Variants in PCDHA7 observed in about 807,000 individuals in gnomAD.
The protein encoded by PCDHA7 is protocadherin alpha 7.
In PCDHA7, 37 loss-of-function variants were observed where a neutral mutation model predicts 57.2. The ratio of observed to expected loss-of-function variants is 0.65; its 90% CI spans 0.50 to 0.85. The LOEUF (loss-of-function observed/expected upper bound fraction) is 0.85. Among genes scored for constraint, PCDHA7 ranks in the 40% least tolerant of loss-of-function variants. The pLI, the probability that PCDHA7 is intolerant of heterozygous loss-of-function variation, is 0.00. For synonymous variants in PCDHA7, 553 were observed against 558.8 expected (o/e 0.99, Z 0.15); for missense variants, 1,188 against 1,241.8 (o/e 0.96, Z 0.65).
intron 1 of PCDHA7, among the ~76,000 whole-genome samples, chr5:140,950,804 A>G (rs1360919239): frequency 6.6e-6 from 1 of 152,090 alleles, no homozygotes; most frequent in African/African-American, 2.4e-5. Context: ...GTCTGGTTTT[A>G]CCATAGTAGG....
chr5:140,980,490 C>T (rs185528514), intron 2 of PCDHA7, among the ~76,000 whole-genome samples: 39 of 152,096 alleles, frequency 2.6e-4, no homozygotes, highest in Admixed American at 4.6e-4. Context: ...ATTAGCTGGG[C>T]GTGATGGCAT....
At chr5:140,842,075 T>C (rs1285752130) in intron 1 of PCDHA7, 5 of 1,613,720 alleles carry the variant, frequency 3.1e-6, no homozygotes, top group Admixed American at 1.7e-5. Context: ...AGTAAGAATA[T>C]TCGAAAACGC....
intron 1 of PCDHA7, among the ~76,000 whole-genome samples, chr5:140,953,120 C>T (rs2094851215): frequency 6.6e-6 from 1 of 152,154 alleles, no homozygotes; most frequent in South Asian, 2.1e-4. Context: ...GGACACAGAT[C>T]TAAACCGTAT....
At chr5:140,858,899 C>T (rs1236968449) in intron 1 of PCDHA7, 4 of 203,942 alleles carry the variant, frequency 2.0e-5, no homozygotes, top group Non-Finnish European at 3.0e-5. Flanking sequence ...ATATGTGTAG[C>T]GTACCACAGC....
At chr5:140,976,666 A>G (rs1260651584) in intron 1 of PCDHA7, among the ~76,000 whole-genome samples, 4 of 152,188 alleles carry the variant, frequency 2.6e-5, no homozygotes, top group African/African-American at 9.6e-5. Flanking sequence ...CAAAGTTCAG[A>G]TGTCTCATTT....
At chr5:140,906,982 G>A (rs1298159889) in intron 1 of PCDHA7, among the ~76,000 whole-genome samples, 3 of 152,140 alleles carry the variant, frequency 2.0e-5, no homozygotes, top group African/African-American at 7.2e-5. Flanking sequence ...TCTTCTGGTG[G>A]CAGCATTCCT....
At chr5:140,938,041 G>T (rs2091894997) in intron 1 of PCDHA7, among the ~76,000 whole-genome samples, 1 of 151,764 alleles carries the variant, frequency 6.6e-6, no homozygotes, top group African/African-American at 2.4e-5. Flanking sequence ...TTTATATTTT[G>T]GGTTTTCTAC....
intron 1 of PCDHA7, among the ~76,000 whole-genome samples, chr5:140,909,960 C>T (rs1419796014): frequency 6.6e-6 from 1 of 152,184 alleles, no homozygotes; most frequent in Non-Finnish European, 1.5e-5. Context: ...CGTAGGTCTC[C>T]ATGGGGAAGG....
In PCDHA7 at chr5:140,877,039, C is replaced by T. The variant is rs782458785; in HGVS notation, c.2355+40301C>T. ...CGGCAAGGTGTACGCGCTGCAGCCG[C>T]TAGACCACGAGGAGCTGGAGCTGCT... is the stretch of plus-strand genomic sequence containing the variant. On this transcript the variant is annotated intron_variant, in intron 1 of 3. Transcript: ENST00000525929. The T allele has an allele frequency of 3.7e-6, 6 of 1,612,576 alleles. No homozygotes were observed. In the African/African-American group the frequency reaches 5.3e-5, roughly 14 times the overall value.
At chr5:140,864,054 C>T (rs575153653) in intron 1 of PCDHA7, 20 of 152,698 alleles carry the variant, frequency 1.3e-4, no homozygotes, top group African/African-American at 4.6e-4. Flanking sequence ...TTACTACAGT[C>T]ACCATGAACA....
Position 140,927,620 on chromosome 5 carries a change from C to T in PCDHA7, c.2356-51329C>T, listed in dbSNP as rs2153590504. 6.2e-7 allele frequency: 1 copy of T among 1,614,196 alleles called. No homozygotes were observed. ...CGCTCCGTATACCGCACCAAGGTTC[C>T]AGAGACTGCACCCAATGGGACTGTG... is the stretch of plus-strand genomic sequence containing the variant. On this transcript the variant is annotated intron_variant, in intron 1 of 3. Coordinates refer to ENST00000525929, the MANE Select transcript of PCDHA7 (RefSeq NM_018910.3).
intron 1 of PCDHA7, among the ~76,000 whole-genome samples, chr5:140,939,903 C>A (rs782506444): frequency 3.9e-4 from 60 of 152,166 alleles, no homozygotes; most frequent in Non-Finnish European, 5.9e-4. Flanking sequence ...ATTCTGCATT[C>A]TTTTTTATTC....
intron 1 of PCDHA7, among the ~76,000 whole-genome samples, chr5:140,881,754 A>G (rs1554172477): frequency 6.6e-6 from 1 of 152,212 alleles, no homozygotes; most frequent in African/African-American, 2.4e-5. Context: ...CAGTACCACA[A>G]AAACCTACAT....
intron 1 of PCDHA7, chr5:140,927,172 G>T: frequency 1.2e-6 from 2 of 1,614,152 alleles, no homozygotes; most frequent in Non-Finnish European, 1.7e-6. Flanking sequence ...AGCTGCCTGC[G>T]TCTTGACCTA....
chr5:140,966,894 A>G, intron 1 of PCDHA7: 1 of 1,596,438 alleles, frequency 6.3e-7, no homozygotes, highest in Non-Finnish European at 8.5e-7. Flanking sequence ...GCGGCCTCCC[A>G]GCTGCGATAC....
intron 1 of PCDHA7, among the ~76,000 whole-genome samples, chr5:140,948,364 G>C (rs1554218529): frequency 6.6e-6 from 1 of 151,472 alleles, no homozygotes; most frequent in African/African-American, 2.4e-5. Flanking sequence ...AAATGACTTA[G>C]GAGGTGTTCC....
At chr5:140,900,776 G>A (rs1407126944) in intron 1 of PCDHA7, among the ~76,000 whole-genome samples, 1 of 152,172 alleles carries the variant, frequency 6.6e-6, no homozygotes, top group Non-Finnish European at 1.5e-5. Flanking sequence ...GCTTTTTGAG[G>A]AAACTCCAAA....
chr5:140,961,236 T>C (rs246004), intron 1 of PCDHA7, among the ~76,000 whole-genome samples: 47,773 of 152,034 alleles, frequency 0.31, 7,861 homozygotes, highest in East Asian at 0.53. Context: ...AAAAAGGTGA[T>C]GGAATTTATC....
At chr5:140,959,099 G>T (rs1233693181) in intron 1 of PCDHA7, among the ~76,000 whole-genome samples, 1 of 152,078 alleles carries the variant, frequency 6.6e-6, no homozygotes, top group Non-Finnish European at 1.5e-5. Context: ...CGGACATTCA[G>T]CAGGGGTCCG....
Sources: allele counts gnomAD v4.1 joint callset (sites outside exome capture counted in the v4.1 genomes callset), GRCh38; gene constraint gnomAD v4.1.1; transcripts MANE v1.5; gene names NCBI Gene and HGNC (gene_info 2026-07-23, HGNC 2026-07-21).